The following ROCK1 variants were observed in gnomAD, a reference collection of about 807,000 sequenced individuals.
ROCK1 encodes the protein Rho associated coiled-coil containing protein kinase 1.
A neutral mutation model predicts 196.8 loss-of-function variants in ROCK1; 36 were observed. That is an observed-to-expected ratio of 0.18 (90% CI 0.14 to 0.24). ROCK1 has a LOEUF of 0.24. Ranked by LOEUF, ROCK1 falls within the 10% of genes least tolerant of loss-of-function variation. The pLI is 1.00. For synonymous variants in ROCK1, 443 were observed against 515.9 expected (o/e 0.86, Z 1.91); for missense variants, 920 against 1,562.0 (o/e 0.59, Z 6.93).
intron 2 of ROCK1, among the ~76,000 whole-genome samples, chr18:21,051,223 G>A (rs938018692): frequency 3.9e-5 from 6 of 152,182 alleles, no homozygotes; most frequent in East Asian, 1.9e-4. Context: ...TGAGGCAAGC[G>A]GAATGTATGA....
chr18:21,016,322 A>G (rs1190819055), intron 12 of ROCK1, among the ~76,000 whole-genome samples: 1 of 152,182 alleles, frequency 6.6e-6, no homozygotes, highest in African/African-American at 2.4e-5. Context: ...AATTTCATCC[A>G]TGGACTCTTT....
chr18:21,085,450 A>T (rs1435089165), intron 1 of ROCK1, among the ~76,000 whole-genome samples: 2 of 152,040 alleles, frequency 1.3e-5, no homozygotes, highest in East Asian at 3.8e-4. Context: ...AGGTGCACAT[A>T]CCAGCTTATG....
rs758435066 is a variant in ROCK1 at position 20,967,740 on chromosome 18, C to A, written c.3192+12G>T. On this transcript the variant is annotated intron_variant, in intron 26 of 32. Transcript: ENST00000399799. ...CTTCACACTCATATCCATACACACA[C>A]AGAAACCTTACCGCTTGCATGTCAT... 2 of 1,576,078 alleles carry A rather than the reference C, an allele frequency of 1.3e-6. No individual in the cohort carries two copies. Among genetic ancestry groups the A allele is most frequent in the Admixed American group, 3.8e-5 (2 of 53,022 alleles).
At chr18:21,036,127 G>A (rs887419098) in intron 9 of ROCK1, among the ~76,000 whole-genome samples, 7 of 152,128 alleles carry the variant, frequency 4.6e-5, no homozygotes, top group African/African-American at 1.4e-4. Context: ...TGTTCAGAAC[G>A]TCTAAACTCC....
intron 9 of ROCK1, among the ~76,000 whole-genome samples, chr18:21,031,560 G>T (rs552437371): frequency 3.3e-4 from 48 of 144,568 alleles, no homozygotes; most frequent in African/African-American, 1.2e-3. Flanking sequence ...AGCTAAGATC[G>T]TGCCACTGCA....
intron 10 of ROCK1, among the ~76,000 whole-genome samples, chr18:21,026,380 G>A (rs1436516945): frequency 6.8e-6 from 1 of 147,272 alleles, no homozygotes; most frequent in Non-Finnish European, 1.5e-5. Context: ...GGAAGCGGAG[G>A]TTGCAGTGAG....
chr18:21,008,977 C>T (rs1353125314), intron 13 of ROCK1, among the ~76,000 whole-genome samples: 2 of 152,026 alleles, frequency 1.3e-5, no homozygotes, highest in Non-Finnish European at 2.9e-5. Flanking sequence ...CATGTAAGCA[C>T]CACCACAACG....
intron 1 of ROCK1, among the ~76,000 whole-genome samples, chr18:21,080,081 C>T (rs1485625191): frequency 6.6e-6 from 1 of 152,104 alleles, no homozygotes; most frequent in Non-Finnish European, 1.5e-5. Flanking sequence ...CACGTGTGTT[C>T]CTGTAGTTTT....
rs1446376980 is a variant in ROCK1, at chr18:20,948,981, C to T, written c.*2403G>A. ...TGGTAGTGTGGATTCCTGATTATGG[C>T]ACTATCTGGACCCTCTCAATATTGG... is the stretch of plus-strand genomic sequence containing the variant. On this transcript the variant is annotated 3_prime_UTR_variant, in exon 33 of 33. Coordinates refer to ENST00000399799, the MANE Select transcript of ROCK1 (RefSeq NM_005406.3). 2 of 150,546 alleles carry T rather than the reference C, an allele frequency of 1.3e-5. No homozygotes were observed. The highest frequency in any genetic ancestry group is 1.3e-4 in the Admixed American group (2 of 15,084). The allele number at this position is 150,546 out of a possible 1,614,324, so 9.3% of individuals were successfully genotyped here. A position where few individuals can be genotyped will look rare whatever the true frequency, so the allele number is the denominator to read the frequency against.
chr18:21,082,832 C>G (rs554951045), intron 1 of ROCK1, among the ~76,000 whole-genome samples: 1 of 151,846 alleles, frequency 6.6e-6, no homozygotes, highest in Non-Finnish European at 1.5e-5. Context: ...TTTGCCAGAG[C>G]AATTAGGTAA....
At chr18:21,088,227 C>T (rs918567526) in intron 1 of ROCK1, among the ~76,000 whole-genome samples, 7 of 152,218 alleles carry the variant, frequency 4.6e-5, no homozygotes, top group Non-Finnish European at 8.8e-5. Context: ...GGCGCAGTGG[C>T]TCAGGCCAAT....
At chr18:21,009,299 C>A (rs952049457) in intron 13 of ROCK1, among the ~76,000 whole-genome samples, 2 of 150,116 alleles carry the variant, frequency 1.3e-5, no homozygotes, top group African/African-American at 4.9e-5. Context: ...AGGCGTGAGT[C>A]ACCGCGCCTG....
In ROCK1 at chr18:20,955,347, T is replaced by C. The variant is rs1256020893; in HGVS notation, c.3513-102A>G. ...GGTGATAAATAAGCACACAAAAAGA[T>C]ATTCAACATCATCAGTCATTAGAGA... On this transcript the variant is annotated intron_variant, in intron 29 of 32. Transcript: ENST00000399799. 4 of 883,974 alleles carry C rather than the reference T, an allele frequency of 4.5e-6. No homozygotes were observed. The African/African-American group carries it at 6.8e-5, about 15-fold the overall frequency. 54.8% of individuals were successfully genotyped at this position (883,974 alleles called of 1,614,324 possible).
At chr18:20,975,736 G>A (rs1464092841) in intron 22 of ROCK1, among the ~76,000 whole-genome samples, 3 of 151,896 alleles carry the variant, frequency 2.0e-5, no homozygotes, top group African/African-American at 4.8e-5. Context: ...TCAGCCTCCC[G>A]AGTAGCTGGG....
chr18:20,973,701 A>C (rs2035452336), intron 22 of ROCK1, among the ~76,000 whole-genome samples: 1 of 152,178 alleles, frequency 6.6e-6, no homozygotes, highest in Non-Finnish European at 1.5e-5. Context: ...ACTATTCTCT[A>C]CTTAGAAGCT....
intron 25 of ROCK1, among the ~76,000 whole-genome samples, 169 bp from the exon 26 acceptor site, chr18:20,968,109 C>T (rs1172240019): frequency 6.6e-6 from 1 of 152,122 alleles, no homozygotes; most frequent in Non-Finnish European, 1.5e-5. Flanking sequence ...CTAACACTGA[C>T]TTATCACACT....
chr18:21,044,318 A>G, intron 5 of ROCK1, 132 bp from the exon 6 acceptor site: 2 of 473,528 alleles, frequency 4.2e-6, no homozygotes, highest in South Asian at 5.0e-5. Context: ...TGTGTTCTCT[A>G]TCCACATCTA....
intron 13 of ROCK1, among the ~76,000 whole-genome samples, chr18:21,013,632 G>A (rs1183561254): frequency 6.6e-6 from 1 of 152,192 alleles, no homozygotes; most frequent in Non-Finnish European, 1.5e-5. Context: ...AGAGAAAGAA[G>A]GTTTGTTACT....
chr18:21,025,764 T>G (rs1368918125), intron 10 of ROCK1, among the ~76,000 whole-genome samples: 1 of 152,154 alleles, frequency 6.6e-6, no homozygotes, highest in East Asian at 1.9e-4. Context: ...TTGTTGGTTC[T>G]TTCTTTATGA....
Sources: allele counts gnomAD v4.1 joint callset (sites outside exome capture counted in the v4.1 genomes callset), GRCh38; gene constraint gnomAD v4.1.1; transcripts MANE v1.5; gene names NCBI Gene and HGNC (gene_info 2026-07-23, HGNC 2026-07-21).